The following PDSS2 variants were observed in gnomAD, a reference collection of about 807,000 sequenced individuals.
PDSS2 encodes the protein all trans-polyprenyl-diphosphate synthase PDSS2.
A neutral mutation model predicts 44.5 loss-of-function variants in PDSS2; 31 were observed. That is an observed-to-expected ratio of 0.70 (90% CI 0.52 to 0.94). The LOEUF (loss-of-function observed/expected upper bound fraction) is 0.94. Ranked by LOEUF, PDSS2 falls within the 40% of genes least tolerant of loss-of-function variation. The probability of loss-of-function intolerance (pLI) is 0.00; values close to 1 mark genes in which losing one functional copy is unlikely to be tolerated. For missense variants in PDSS2, 452 were observed against 482.2 expected (o/e 0.94, Z 0.59); for synonymous variants, 157 against 180.3 (o/e 0.87, Z 1.03).
intron 2 of PDSS2, among the ~76,000 whole-genome samples, chr6:107,276,822 G>A (rs1400488746): frequency 6.6e-6 from 1 of 152,202 alleles, no homozygotes; most frequent in South Asian, 2.1e-4. Context: ...ATGCTAACCT[G>A]AGACTACAAG....
intron 2 of PDSS2, among the ~76,000 whole-genome samples, chr6:107,307,255 C>A (rs149067819): frequency 2.4e-4 from 37 of 152,278 alleles, no homozygotes; most frequent in African/African-American, 8.9e-4. Flanking sequence ...AACACAATCA[C>A]AATCCTTCTC....
At position 107,160,014 on chromosome 6, in the gene PDSS2, G is replaced by A. The variant is rs782297150; in HGVS notation, c.1042-5237C>T. Reference sequence around the variant, plus strand: ...GCGGATCACTTGAGGTCAGGAGTTCGAGATCAGACTGGCCAATATGGTAAA... The same window carrying A: ...GCGGATCACTTGAGGTCAGGAGTTCAAGATCAGACTGGCCAATATGGTAAA... On this transcript the variant is annotated intron_variant, in intron 7 of 7. Transcript: ENST00000369037. Among the ~76,000 whole-genome samples, 15 of 152,104 alleles carry A rather than the reference G, an allele frequency of 9.9e-5. No homozygotes were observed. The East Asian group carries it at 2.2e-3, about 22-fold the overall frequency.
intron 4 of PDSS2, among the ~76,000 whole-genome samples, chr6:107,219,462 A>G (rs967305115): frequency 2.6e-5 from 4 of 151,988 alleles, no homozygotes; most frequent in Admixed American, 6.6e-5. Flanking sequence ...TAATTTTTGT[A>G]TTTTTAGTAG....
At position 107,382,857 on chromosome 6, in the gene PDSS2, C is replaced by A. The variant is rs1444896658; in HGVS notation, c.297-48525G>T. On this transcript the variant is annotated intron_variant, in intron 1 of 7. Transcript: ENST00000369037. ...GTCTCCAAAACAAAAAACAAAAAAA[C>A]CTTAAATTTATGGTCAGTTGATTTT... 2.0e-5 allele frequency among the ~76,000 whole-genome samples: 3 copies of A among 151,944 alleles called. 1 individual carries two copies. The East Asian group carries it at 5.8e-4, about 29-fold the overall frequency.
intron 2 of PDSS2, among the ~76,000 whole-genome samples, chr6:107,303,573 A>G (rs1401730748): frequency 1.3e-5 from 2 of 152,240 alleles, no homozygotes; most frequent in African/African-American, 4.8e-5. Context: ...AAATGTGTTC[A>G]TACTATACAT....
chr6:107,399,909 G>C (rs1206028078), intron 1 of PDSS2, among the ~76,000 whole-genome samples: 2 of 151,994 alleles, frequency 1.3e-5, no homozygotes, highest in Admixed American at 1.3e-4. Context: ...ACAAAATAGT[G>C]TGTAGAGATT....
At chr6:107,298,793 T>G (rs1363959083) in intron 2 of PDSS2, among the ~76,000 whole-genome samples, 1 of 152,152 alleles carries the variant, frequency 6.6e-6, no homozygotes, top group Non-Finnish European at 1.5e-5. Context: ...GGGATCTGAA[T>G]TGCAGTAAAA....
At chr6:107,215,643 C>T (rs139641671) in intron 4 of PDSS2, among the ~76,000 whole-genome samples, 11 of 152,126 alleles carry the variant, frequency 7.2e-5, no homozygotes, top group African/African-American at 2.6e-4. Flanking sequence ...TAACTGCATA[C>T]TGGGAAAATC....
rs9486588 is a variant in PDSS2 at position 107,324,239 on chromosome 6, A to G, written c.431+9959T>C. On this transcript the variant is annotated intron_variant, in intron 2 of 7. Coordinates refer to ENST00000369037, the MANE Select transcript of PDSS2 (RefSeq NM_020381.4). ...GTTTACATTTACTGTTGTAAGTAGA[A>G]TACAATCAATAGGAATATGTAATCA... 8.8e-3 allele frequency among the ~76,000 whole-genome samples: 1,336 copies of G among 152,310 alleles called. 14 individuals carry two copies. The highest frequency in any genetic ancestry group is 0.028 in the African/African-American group (1,179 of 41,564).
chr6:107,351,584 A>G (rs1446829783), intron 1 of PDSS2, among the ~76,000 whole-genome samples: 2 of 152,166 alleles, frequency 1.3e-5, no homozygotes, highest in Non-Finnish European at 2.9e-5. Flanking sequence ...CAAGAGCTGA[A>G]AAGTTCTCTA....
At chr6:107,410,334 C>A (rs1388477916) in intron 1 of PDSS2, among the ~76,000 whole-genome samples, 1 of 152,166 alleles carries the variant, frequency 6.6e-6, no homozygotes, top group African/African-American at 2.4e-5. Context: ...CACTGGTAAT[C>A]AATCTTAGTC....
At chr6:107,299,709 C>T (rs747908547) in intron 2 of PDSS2, among the ~76,000 whole-genome samples, 1 of 152,124 alleles carries the variant, frequency 6.6e-6, no homozygotes, top group African/African-American at 2.4e-5. Context: ...AAATGAAACC[C>T]CACTTTCACC....
chr6:107,362,453 G>C (rs1778809064), intron 1 of PDSS2, among the ~76,000 whole-genome samples: 1 of 152,144 alleles, frequency 6.6e-6, no homozygotes, highest in Non-Finnish European at 1.5e-5. Flanking sequence ...ACAAATAAAA[G>C]GAAGGGATAA....
intron 3 of PDSS2, among the ~76,000 whole-genome samples, chr6:107,264,863 C>T (rs905175385): frequency 1.8e-4 from 27 of 152,024 alleles, no homozygotes; most frequent in African/African-American, 6.5e-4. Flanking sequence ...TACATGGACA[C>T]AATATAGAGC....
At chr6:107,252,803 C>A (rs745472972) in intron 3 of PDSS2, among the ~76,000 whole-genome samples, 22 of 152,124 alleles carry the variant, frequency 1.4e-4, no homozygotes, top group Non-Finnish European at 2.5e-4. Flanking sequence ...AAAATCGCAA[C>A]TGATACAACT....
chr6:107,240,398 CTTTTT>C (rs751073523), intron 4 of PDSS2, among the ~76,000 whole-genome samples: 3 of 131,016 alleles, frequency 2.3e-5, no homozygotes, highest in African/African-American at 5.6e-5. Flanking sequence ...GAGACCCTAC[CTTTTT>C]TTTTTTTTTT....
At chr6:107,443,663 G>A (rs1781577363) in intron 1 of PDSS2, among the ~76,000 whole-genome samples, 1 of 152,128 alleles carries the variant, frequency 6.6e-6, no homozygotes, top group Admixed American at 6.6e-5. Flanking sequence ...CCACCGTGTG[G>A]TGCAGTCTAC....
intron 6 of PDSS2, among the ~76,000 whole-genome samples, chr6:107,209,953 C>T (rs542388299): frequency 5.9e-5 from 9 of 152,276 alleles, no homozygotes; most frequent in African/African-American, 2.2e-4. Flanking sequence ...CCCTTTACCC[C>T]TCCCACTTCG....
chr6:107,421,790 G>A (rs1017665532), intron 1 of PDSS2, among the ~76,000 whole-genome samples: 2 of 139,944 alleles, frequency 1.4e-5, no homozygotes, highest in South Asian at 2.2e-4. Context: ...ATCTATATAC[G>A]TGATAAAATT....
Sources: allele counts gnomAD v4.1 joint callset (sites outside exome capture counted in the v4.1 genomes callset), GRCh38; gene constraint gnomAD v4.1.1; transcripts MANE v1.5; gene names NCBI Gene and HGNC (gene_info 2026-07-23, HGNC 2026-07-21).